The following CASD1 variants were observed in gnomAD, a reference collection of about 807,000 sequenced individuals.
The protein encoded by CASD1 is CAS1 domain sialic acid O acetyltransferase 1.
In CASD1, 41 loss-of-function variants were observed where a neutral mutation model predicts 100.0. The observed-to-expected ratio is 0.41, with a 90% CI of 0.32 to 0.53. CASD1 has a LOEUF of 0.53. Ranked by LOEUF, CASD1 falls within the 20% of genes least tolerant of loss-of-function variation. CASD1 has a pLI of 0.25. For missense variants in CASD1, 774 were observed against 948.7 expected (o/e 0.82, Z 2.42); for synonymous variants, 321 against 315.6 (o/e 1.02, Z -0.18).
Position 94,537,795 on chromosome 7 carries a change from G to C in CASD1, c.1167G>C (p.Leu389=), listed in dbSNP as rs1444620523. 4 of 1,612,168 alleles carry C rather than the reference G, an allele frequency of 2.5e-6. No individual in the cohort carries two copies. In the East Asian group the frequency reaches 6.7e-5, roughly 27 times the overall value. ...TCTATATGTGTGACCGTGCAAATCT[G>C]TTCATGAAGGAAAACAAATTTTATA... ...AYFYMCDRAN[L]FMKENKFYTH... is the part of the protein sequence containing the mutation. Residue 389 remains leucine (L), a synonymous_variant, in exon 9 of 18, where the codon CTG becomes CTC. Transcript: ENST00000297273.
At chr7:94,572,551 C>A in the CASD1 span, among the ~76,000 whole-genome samples, 1 of 152,106 alleles carries the variant, frequency 6.6e-6, no homozygotes, top group South Asian at 2.1e-4. Context: ...AATTTATATC[C>A]TTTGCCCACT....
the CASD1 span, chr7:94,590,711 T>C: frequency 6.0e-4 from 92 of 152,292 alleles, no homozygotes; most frequent in African/African-American, 2.1e-3. Flanking sequence ...AATGTGAGGT[T>C]GCCTGGGTTG....
chr7:94,559,389 G>T (rs1796303538), downstream of CASD1, among the ~76,000 whole-genome samples: 1 of 151,216 alleles, frequency 6.6e-6, no homozygotes, highest in African/African-American at 2.4e-5. Flanking sequence ...ATGTTCAAAA[G>T]TAACCATTAT....
chr7:94,601,443 C>CAAAAAAAAAAAAAAAAAAAAAA, the CASD1 span, among the ~76,000 whole-genome samples: 3 of 89,336 alleles, frequency 3.4e-5, no homozygotes, highest in African/African-American at 1.2e-4. Context: ...ATCCCAGTAT[C>CAAAAAAAAAAAAAAAAAAAAAA]AAAAAAAAAA....
At chr7:94,600,722 G>A in the CASD1 span, 2 of 1,613,746 alleles carry the variant, frequency 1.2e-6, no homozygotes, top group African/African-American at 1.3e-5. Context: ...GGCACAGCCA[G>A]TGTAATTAGG....
At chr7:94,606,151 A>G in the CASD1 span, among the ~76,000 whole-genome samples, 15 of 152,280 alleles carry the variant, frequency 9.9e-5, no homozygotes, top group African/African-American at 2.6e-4. Flanking sequence ...TTAAACATCA[A>G]TGGTCTAAAT....
chr7:94,531,724 A>T (rs1794862342), intron 5 of CASD1, among the ~76,000 whole-genome samples: 2 of 151,954 alleles, frequency 1.3e-5, no homozygotes, highest in Admixed American at 1.3e-4. Flanking sequence ...TATAGTGAAA[A>T]AGTGTCATTT....
Position 94,533,689 on chromosome 7 carries a change from A to G in CASD1, c.515A>G (p.Lys172Arg). ...TGTACTTCTTTTTAGTGGTCCATCAAGATTCACAATGGTAGCAGTGAAGCG... is the reference window on the plus strand; with the variant it reads ...TGTACTTCTTTTTAGTGGTCCATCAGGATTCACAATGGTAGCAGTGAAGCG... ...IVAGAATWSIKIHNGSSEALS... is the reference protein window; with the variant it reads ...IVAGAATWSIRIHNGSSEALS... Residue 172 changes from lysine to arginine, a missense_variant, in exon 7 of 18, where the codon AAG becomes AGG. By Grantham distance (26) the Lys-to-Arg change is conservative (BLOSUM62 2). Transcript: ENST00000297273. The G allele has an allele frequency of 6.3e-7, 1 of 1,597,212 alleles. No homozygotes were observed. Among genetic ancestry groups the G allele is most frequent in the East Asian group, 2.3e-5 (1 of 44,010 alleles).
chr7:94,526,423 C>A (rs1400125410), intron 3 of CASD1, among the ~76,000 whole-genome samples: 1 of 152,214 alleles, frequency 6.6e-6, no homozygotes, highest in Non-Finnish European at 1.5e-5. Context: ...TTAGCCAGAA[C>A]TAGCCATGTG....
At chr7:94,555,194 A>C (rs887394738) in intron 17 of CASD1, among the ~76,000 whole-genome samples, 2 of 152,092 alleles carry the variant, frequency 1.3e-5, no homozygotes, top group Non-Finnish European at 2.9e-5. Context: ...TAGAGTTTTT[A>C]GAGTATAGGA....
At chr7:94,527,273 T>C in intron 4 of CASD1, 67 bp downstream of exon 4, 1 of 1,107,130 alleles carries the variant, frequency 9.0e-7, no homozygotes, top group South Asian at 1.3e-5. Flanking sequence ...TAATTGAACA[T>C]ACTAAGTATA....
intron 1 of CASD1, among the ~76,000 whole-genome samples, chr7:94,517,266 AAGGTTG>A (rs1181319237): frequency 6.6e-6 from 1 of 152,166 alleles, no homozygotes; most frequent in African/African-American, 2.4e-5. Context: ...AGGCTAATTT[AAGGTTG>A]AGATAATGTC....
rs562815958 is a variant in CASD1 at position 94,537,361 on chromosome 7, C to T, written c.844-111C>T. 1.6e-4 allele frequency: 149 copies of T among 918,216 alleles called. 1 individual carries two copies. The African/African-American group carries it at 2.3e-3, about 14-fold the overall frequency. 56.9% of individuals were successfully genotyped at this position (918,216 alleles called of 1,614,324 possible). ...ATTTGGGAAATGGTAGCAAAAGATA[C>T]GAAAGCATTCTGGTTTCAGTGCTAA... On this transcript the variant is annotated intron_variant, in intron 8 of 17. Transcript: ENST00000297273.
chr7:94,587,731 T>C, the CASD1 span: 14 of 1,536,374 alleles, frequency 9.1e-6, no homozygotes, highest in Non-Finnish European at 1.2e-5. Flanking sequence ...AAAATTCTGA[T>C]AAACATCTTG....
At chr7:94,555,356 A>G (rs1796151774) in intron 17 of CASD1, 136 bp from the exon 18 acceptor site, 3 of 789,396 alleles carry the variant, frequency 3.8e-6, no homozygotes, top group Non-Finnish European at 3.9e-6. Flanking sequence ...TTTCAGGGCC[A>G]GTAGTGAGAC....
At chr7:94,539,193 C>T in intron 10 of CASD1, 137 bp downstream of exon 10, 1 of 430,270 alleles carries the variant, frequency 2.3e-6, no homozygotes, top group East Asian at 3.6e-5. Flanking sequence ...AATCTTTCCG[C>T]CTTTCCATTT....
the CASD1 span, chr7:94,629,780 G>A: frequency 6.2e-7 from 1 of 1,611,170 alleles, no homozygotes; most frequent in South Asian, 1.1e-5. Context: ...CATGAACAAA[G>A]AGGACACCTG....
chr7:94,571,925 A>G, the CASD1 span, among the ~76,000 whole-genome samples: 1 of 152,060 alleles, frequency 6.6e-6, no homozygotes, highest in African/African-American at 2.4e-5. Flanking sequence ...TTTGCAAGAG[A>G]TTAAGTTTGT....
chr7:94,533,273 C>G lies in CASD1; in HGVS notation c.504+24C>G, dbSNP rs202003082. 310 of 1,588,238 alleles carry G rather than the reference C, an allele frequency of 2.0e-4. 1 individual carries two copies. The East Asian group carries it at 6.2e-3, about 32-fold the overall frequency. ...CAGTAAGTTATCATCTGTATTCTTACTTAATGATTTTGTTTCACGTTTAAG... is the reference window on the plus strand; with the variant it reads ...CAGTAAGTTATCATCTGTATTCTTAGTTAATGATTTTGTTTCACGTTTAAG... On this transcript the variant is annotated intron_variant, in intron 6 of 17. Coordinates refer to ENST00000297273, the MANE Select transcript of CASD1 (RefSeq NM_022900.5).
Sources: gnomAD v4.1 joint callset for allele counts (sites outside exome capture counted in the v4.1 genomes callset) on GRCh38, gnomAD v4.1.1 for gene constraint, MANE v1.5 for transcripts, NCBI Gene and HGNC (gene_info 2026-07-23, HGNC 2026-07-21) for gene names.